TENM2: variants seen among roughly 807,000 people sequenced by gnomAD.
TENM2 encodes the protein teneurin-2.
A neutral mutation model predicts 245.2 loss-of-function variants in TENM2; 52 were observed. The observed-to-expected ratio is 0.21, with a 90% CI of 0.17 to 0.27. The LOEUF (loss-of-function observed/expected upper bound fraction) is 0.27, where lower values mean the gene tolerates loss of function less well. Ranked by LOEUF, TENM2 falls within the 10% of genes least tolerant of loss-of-function variation. The pLI is 1.00. For synonymous variants in TENM2, 1,363 were observed against 1,438.9 expected, an observed-to-expected ratio of 0.95 and a Z score of 1.19; for missense variants, 3,046 against 3,666.8, an observed-to-expected ratio of 0.83 and a Z score of 4.37.
chr5:167,960,896 C>T (rs1203079970), intron 4 of TENM2, among the ~76,000 whole-genome samples: 2 of 152,186 alleles, frequency 1.3e-5, no homozygotes, highest in East Asian at 1.9e-4. Context: ...GTATCTGGGC[C>T]GGAATGCACC....
At chr5:167,724,799 A>G (rs1407623691) in intron 2 of TENM2, among the ~76,000 whole-genome samples, 1 of 152,160 alleles carries the variant, frequency 6.6e-6, no homozygotes, top group African/African-American at 2.4e-5. Flanking sequence ...GACGGACAGT[A>G]GCTTGATGGT....
chr5:168,243,524 T>C (rs1349515503), intron 25 of TENM2, among the ~76,000 whole-genome samples: 1 of 152,170 alleles, frequency 6.6e-6, no homozygotes, highest in Non-Finnish European at 1.5e-5. Flanking sequence ...CTTTGTAAAA[T>C]ATGGATTTCT....
chr5:167,982,497 G>A lies in TENM2; in HGVS notation c.948-10447G>A, dbSNP rs566450369. 2.3e-4 allele frequency among the ~76,000 whole-genome samples: 35 copies of A among 152,262 alleles called. 1 individual carries two copies. Among genetic ancestry groups the A allele is most frequent in the African/African-American group, 8.4e-4 (35 of 41,552 alleles). ...TATATTAAACACTTCCTGTGGGCCC[G>A]CTTCTGTGTTCTCGGATTGTATTCC... On this transcript the variant is annotated intron_variant, in intron 4 of 28. Coordinates refer to ENST00000518659, the Ensembl canonical transcript of TENM2.
intron 2 of TENM2, among the ~76,000 whole-genome samples, chr5:167,785,890 C>A (rs867199226): frequency 5.9e-5 from 9 of 152,164 alleles, no homozygotes; most frequent in African/African-American, 2.2e-4. Context: ...AGGATAGCAC[C>A]TGCCTACTTA....
intron 1 of TENM2, among the ~76,000 whole-genome samples, chr5:167,325,754 A>G (rs1757038967): frequency 6.6e-6 from 1 of 152,234 alleles, no homozygotes; most frequent in African/African-American, 2.4e-5. Context: ...CTTACTATGC[A>G]TGTTCTCTTA....
intron 2 of TENM2, among the ~76,000 whole-genome samples, chr5:167,862,503 A>G (rs1771913560): frequency 6.6e-6 from 1 of 152,196 alleles, no homozygotes; most frequent in Non-Finnish European, 1.5e-5. Context: ...GCTCATGTAT[A>G]TAGGCAGCAT....
At chr5:167,459,093 G>A (rs1223593642) in intron 2 of TENM2, among the ~76,000 whole-genome samples, 2 of 152,090 alleles carry the variant, frequency 1.3e-5, no homozygotes, top group Non-Finnish European at 2.9e-5. Flanking sequence ...TGCATCTCCA[G>A]GATTCTTTCC....
At chr5:167,456,325 G>C (rs530548803) in intron 2 of TENM2, among the ~76,000 whole-genome samples, 42 of 152,272 alleles carry the variant, frequency 2.8e-4, no homozygotes, top group South Asian at 6.2e-4. Context: ...GGTAGTTAAT[G>C]ATCTTTATGT....
chr5:167,490,697 G>A (rs1341199647), intron 2 of TENM2, among the ~76,000 whole-genome samples: 1 of 152,074 alleles, frequency 6.6e-6, no homozygotes, highest in East Asian at 1.9e-4. Context: ...AAATATTTGA[G>A]TTAACATTGA....
At chr5:167,962,987 A>G (rs1230614660) in intron 4 of TENM2, among the ~76,000 whole-genome samples, 2 of 152,212 alleles carry the variant, frequency 1.3e-5, no homozygotes, top group Non-Finnish European at 2.9e-5. Context: ...TACTGGCAAG[A>G]TACTGATTAA....
intron 9 of TENM2, among the ~76,000 whole-genome samples, chr5:168,102,150 C>T (rs1004116070): frequency 1.2e-4 from 18 of 151,936 alleles, no homozygotes; most frequent in South Asian, 4.1e-4. Context: ...CTCGGCTCAC[C>T]GCAACCTCCG....
rs1039848917 is a variant in TENM2 at position 167,405,807 on chromosome 5, G to C, written c.502+30334G>C. 3.3e-4 allele frequency among the ~76,000 whole-genome samples: 37 copies of C among 112,360 alleles called. No individual in the cohort carries two copies. In the East Asian group the frequency reaches 9.1e-3, roughly 28 times the overall value. 73.7% of individuals were successfully genotyped at this position (112,360 alleles called of 152,430 possible). On this transcript the variant is annotated intron_variant, in intron 2 of 28. Coordinates refer to ENST00000518659, the Ensembl canonical transcript of TENM2. ...ACACACACACACACACACGCACACA[G>C]AGATGCCAACCATTCCTGAGAAGGA...
At chr5:167,146,166 A>G in the TENM2 span, among the ~76,000 whole-genome samples, 4 of 152,048 alleles carry the variant, frequency 2.6e-5, no homozygotes, top group South Asian at 2.1e-4. Context: ...CTGGGACCCA[A>G]TTATTTATGG....
chr5:167,032,567 T>C, the TENM2 span, among the ~76,000 whole-genome samples: 1 of 152,190 alleles, frequency 6.6e-6, no homozygotes, highest in South Asian at 2.1e-4. Flanking sequence ...TTGTAATGTG[T>C]GAGTTTTCAA....
chr5:168,190,299 G>A, intron 13 of TENM2, 38 bp from the exon 16 acceptor site: 1 of 1,556,578 alleles, frequency 6.4e-7, no homozygotes, highest in Non-Finnish European at 8.8e-7. Context: ...TTTATGCCAT[G>A]AAATCTGCTG....
chr5:167,323,154 T>C (rs999512840), intron 1 of TENM2, among the ~76,000 whole-genome samples: 2 of 152,212 alleles, frequency 1.3e-5, no homozygotes, highest in African/African-American at 4.8e-5. Context: ...GTACAGCATA[T>C]AGAGCTCGAC....
chr5:167,692,839 T>C (rs967500134), intron 2 of TENM2, among the ~76,000 whole-genome samples: 2 of 152,170 alleles, frequency 1.3e-5, no homozygotes, highest in Admixed American at 6.5e-5. Flanking sequence ...CACAGTAGAA[T>C]TGTGGCAGAT....
At chr5:168,180,909 T>TAA (rs5873093) in intron 13 of TENM2, among the ~76,000 whole-genome samples, 193 of 148,724 alleles carry the variant, frequency 1.3e-3, no homozygotes, top group African/African-American at 4.2e-3. Context: ...TCTTAAAATT[T>TAA]AAAAAAAAAA....
the TENM2 span, among the ~76,000 whole-genome samples, chr5:167,248,759 A>G: frequency 6.7e-6 from 1 of 149,568 alleles, no homozygotes; most frequent in Non-Finnish European, 1.5e-5. Context: ...GAGGAAAGAA[A>G]TTCAAAAGCC....
Sources: gnomAD v4.1 joint callset for allele counts (sites outside exome capture counted in the v4.1 genomes callset) on GRCh38, gnomAD v4.1.1 for gene constraint, MANE v1.5 for transcripts, NCBI Gene and HGNC (gene_info 2026-07-23, HGNC 2026-07-21) for gene names.